MAP4K1: variants seen among roughly 807,000 people sequenced by gnomAD.
The protein encoded by MAP4K1 is MAPK/ERK kinase kinase kinase 1.
MAP4K1 carries 35 observed loss-of-function variants against 122.8 expected under a neutral mutation model. That is an observed-to-expected ratio of 0.29 (90% CI 0.22 to 0.38). The LOEUF (loss-of-function observed/expected upper bound fraction) is 0.38. MAP4K1 is among the 10% of genes least tolerant of loss of function. MAP4K1 has a pLI of 1.00. For missense variants in MAP4K1, 791 were observed against 1,072.6 expected, an observed-to-expected ratio of 0.74 and a Z score of 3.67; for synonymous variants, 412 against 421.3, an observed-to-expected ratio of 0.98 and a Z score of 0.27.
intron 19 of MAP4K1, chr19:38,601,801 A>C: frequency 2.5e-6 from 1 of 404,102 alleles, no homozygotes; most frequent in Non-Finnish European, 4.4e-6. Flanking sequence ...TTTTTAAGAC[A>C]GAGTCTCACT....
In MAP4K1 at chr19:38,595,965, T is replaced by C; in HGVS notation, c.2153A>G (p.Glu718Gly). The change falls in exon 27 of 31, where the codon GAA (glutamate) becomes GGA (glycine). Residue 718 changes from glutamate to glycine, a missense_variant. By Grantham distance (98) the Glu-to-Gly change is moderately conservative. Around this residue, in one of 4 missense-constraint regions of MAP4K1, gnomAD observed 267 missense variants for 323.0 expected, o/e 0.83. Coordinates refer to ENST00000396857, the MANE Select transcript of MAP4K1 (RefSeq NM_001042600.3). Reference protein sequence around the residue: ...RGPVQVTQVEEDMVMVLMDGS... With the variant: ...RGPVQVTQVEGDMVMVLMDGS... ...ATCCATCAACACCATCACCATATCT[T>C]CCTCTACCTGGGTCACCTGCACGGG... The C allele has an allele frequency of 6.2e-7, 1 of 1,613,906 alleles. No individual in the cohort carries two copies. Among genetic ancestry groups the C allele is most frequent in the Non-Finnish European group, 8.5e-7 (1 of 1,179,958 alleles).
At chr19:38,590,340 T>G in intron 30 of MAP4K1, among the ~76,000 whole-genome samples, 1 of 100,740 alleles carries the variant, frequency 9.9e-6, no homozygotes, top group Admixed American at 1.3e-4. Flanking sequence ...TAAAGAAACA[T>G]GGCTCCTAAG....
chr19:38,612,275 CCG>C (rs1975520377), intron 9 of MAP4K1, among the ~76,000 whole-genome samples: 1 of 151,542 alleles, frequency 6.6e-6, no homozygotes, highest in East Asian at 1.9e-4. Context: ...CAAAAATTAG[CCG>C]GGCGTGGTGG....
At chr19:38,602,750 G>GTA (rs1458054395) in intron 19 of MAP4K1, among the ~76,000 whole-genome samples, 1 of 116,058 alleles carries the variant, frequency 8.6e-6, no homozygotes, top group East Asian at 2.5e-4. Flanking sequence ...ATATACACAT[G>GTA]TACATATATA....
chr19:38,596,843 C>T (rs1255997731), intron 25 of MAP4K1, among the ~76,000 whole-genome samples, 191 bp downstream of exon 25: 2 of 152,120 alleles, frequency 1.3e-5, no homozygotes, highest in African/African-American at 4.8e-5. Flanking sequence ...TGAGGGGCGG[C>T]GCTTAAGGAT....
At chr19:38,610,899 T>G (rs1248269916) in intron 11 of MAP4K1, 152 bp downstream of exon 11, 7 of 687,430 alleles carry the variant, frequency 1.0e-5, no homozygotes, top group Non-Finnish European at 1.8e-5. Flanking sequence ...GGAGGGTCTC[T>G]GGTGGTCGGG....
chr19:38,599,831 G>T (rs1975006687), intron 22 of MAP4K1, 94 bp downstream of exon 22: 3 of 1,224,690 alleles, frequency 2.4e-6, no homozygotes, highest in Admixed American at 1.7e-5. Flanking sequence ...AGCAGTCTAA[G>T]TTTTTTTTCA....
intron 16 of MAP4K1, among the ~76,000 whole-genome samples, chr19:38,607,088 G>A (rs1220281194): frequency 6.6e-6 from 1 of 152,092 alleles, no homozygotes; most frequent in Non-Finnish European, 1.5e-5. Context: ...TGGGGTGAGA[G>A]TGACATTCGG....
In MAP4K1 at chr19:38,611,101, T is replaced by A. The variant is rs765618620; in HGVS notation, c.760A>T (p.Thr254Ser). Residue 254 changes from threonine (T) to serine (S), a missense_variant, in exon 11 of 31, where the codon ACT becomes TCT. Transcript: ENST00000396857. ...CGTTTCTTGGGACTCTTAGTCAGAG[T>A]GACTTTGATGAAGTTGTGGAAGGCA... The part of the protein sequence containing the change: ...SAAFHNFIKV[T>S]LTKSPKKRPS... The A allele has an allele frequency of 1.9e-6, 3 of 1,613,276 alleles. No individual in the cohort carries two copies. The highest frequency in any genetic ancestry group is 8.5e-7 in the Non-Finnish European group (1 of 1,179,766).
At position 38,610,021 on chromosome 19, in the gene MAP4K1, T is replaced by G; in HGVS notation, c.815A>C (p.Gln272Pro). The G allele has an allele frequency of 6.2e-7, 1 of 1,611,568 alleles. No homozygotes were observed. Among genetic ancestry groups the G allele is most frequent in the Non-Finnish European group, 8.5e-7 (1 of 1,177,690 alleles). ...RPSATKMLSH[Q>P]LVSQPGLNRG... The stretch of plus-strand genomic sequence containing the variant: ...ATTCAGCCCAGGCTGGGATACCAGT[T>G]GATGCTGGCGGAGGGAAGAGGTGTC... The change falls in exon 12 of 31, where the codon CAA (glutamine) becomes CCA (proline). Residue 272 changes from glutamine to proline, a missense_variant. Coordinates refer to ENST00000396857, the MANE Select transcript of MAP4K1 (RefSeq NM_001042600.3).
rs1000856442 is a variant in MAP4K1 at position 38,606,109 on chromosome 19, C to A, written c.1200+64G>T. Reference sequence around the variant, plus strand: ...AGCCCAGTATCCCAGCATCTAAGGACCTGGCCTCCTGGCCCCCAGTGGCCC... The same window carrying A: ...AGCCCAGTATCCCAGCATCTAAGGAACTGGCCTCCTGGCCCCCAGTGGCCC... On this transcript the variant is annotated intron_variant, in intron 17 of 30. Coordinates refer to ENST00000396857, the MANE Select transcript of MAP4K1 (RefSeq NM_001042600.3). 16 of 1,303,258 alleles carry A rather than the reference C, an allele frequency of 1.2e-5. No homozygotes were observed. The African/African-American group carries it at 2.0e-4, about 17-fold the overall frequency. 80.7% of individuals were successfully genotyped at this position (1,303,258 alleles called of 1,614,324 possible). A position where few individuals can be genotyped will look rare whatever the true frequency, so the allele number is the denominator to read the frequency against.
intron 25 of MAP4K1, 86 bp from the exon 26 acceptor site, chr19:38,596,572 C>CCG: frequency 8.9e-7 from 1 of 1,118,444 alleles, no homozygotes; most frequent in South Asian, 1.7e-5. Flanking sequence ...CCTGGGACTT[C>CCG]CGAACCAGGG....
intron 30 of MAP4K1, 112 bp from the exon 31 acceptor site, chr19:38,587,929 G>T: frequency 1.2e-6 from 1 of 810,054 alleles, no homozygotes; most frequent in Non-Finnish European, 2.1e-6. Flanking sequence ...AACTATAGCA[G>T]TGAATGGGCA....
At chr19:38,589,680 G>A (rs1380566338) in intron 30 of MAP4K1, among the ~76,000 whole-genome samples, 1 of 152,122 alleles carries the variant, frequency 6.6e-6, no homozygotes, top group Non-Finnish European at 1.5e-5. Context: ...CTCCCAAAGT[G>A]CTGGGATTAC....
chr19:38,609,728 C>G, intron 12 of MAP4K1, 54 bp from the exon 13 acceptor site: 1 of 1,523,832 alleles, frequency 6.6e-7, no homozygotes, highest in Non-Finnish European at 9.0e-7. Flanking sequence ...AGCCTCCTAC[C>G]CTGCCCGGGG....
chr19:38,595,608 C>G, intron 28 of MAP4K1, 32 bp downstream of exon 28: 1 of 1,613,978 alleles, frequency 6.2e-7, no homozygotes, highest in Non-Finnish European at 8.5e-7. Flanking sequence ...GTTTCCACCC[C>G]TGATCCTGGG....
At chr19:38,605,514 C>A in intron 18 of MAP4K1, 23 bp from the exon 19 acceptor site, 1 of 1,551,390 alleles carries the variant, frequency 6.4e-7, no homozygotes, top group South Asian at 1.2e-5. Context: ...AGGAGAAAAT[C>A]AGCCCCCAAG....
intron 4 of MAP4K1, 171 bp from the exon 5 acceptor site, chr19:38,614,616 A>G: frequency 1.4e-6 from 1 of 691,668 alleles, no homozygotes; most frequent in Non-Finnish European, 2.5e-6. Flanking sequence ...AAGAGGCAGC[A>G]ATGCAAATAA....
chr19:38,593,166 GTGACC>G (rs559873051), intron 30 of MAP4K1, 111 bp downstream of exon 30: 1 of 908,686 alleles, frequency 1.1e-6, no homozygotes, highest in South Asian at 1.7e-5. Context: ...TGGAAGCAGG[GTGACC>G]AGGTGAGACA....
Sources: gnomAD v4.1 joint callset for allele counts (sites outside exome capture counted in the v4.1 genomes callset) on GRCh38, gnomAD v4.1.1 for gene constraint, gnomAD v4.1.1 regional missense constraint, MANE v1.5 for transcripts, NCBI Gene and HGNC (gene_info 2026-07-23, HGNC 2026-07-21) for gene names.